RBMS1: variants seen among roughly 807,000 people sequenced by gnomAD.
RBMS1 encodes RNA-binding motif, single-stranded-interacting protein 1.
Under a neutral mutation model 62.3 loss-of-function variants are expected in RBMS1, and 17 were observed. The ratio of observed to expected loss-of-function variants is 0.27; its 90% CI spans 0.19 to 0.41. The LOEUF is 0.41. RBMS1 is among the 10% of genes least tolerant of loss of function. RBMS1 has a pLI of 1.00. For synonymous variants in RBMS1, 172 were observed against 170.0 expected (o/e 1.01, Z -0.09); for missense variants, 334 against 504.5 (o/e 0.66, Z 3.24).
chr2:160,386,519 A>G (rs1232249747), intron 1 of RBMS1, among the ~76,000 whole-genome samples: 1 of 146,396 alleles, frequency 6.8e-6, no homozygotes, highest in Non-Finnish European at 1.5e-5. Context: ...CCAGCCTGGG[A>G]GACAGAGTGA....
intron 2 of RBMS1, among the ~76,000 whole-genome samples, chr2:160,332,512 A>G (rs1407685644): frequency 6.6e-6 from 1 of 152,170 alleles, no homozygotes; most frequent in Non-Finnish European, 1.5e-5. Flanking sequence ...TGAAGTGAGC[A>G]TGTTATCAGC....
chr2:160,311,054 T>C (rs1305518003), intron 4 of RBMS1, among the ~76,000 whole-genome samples: 2 of 150,852 alleles, frequency 1.3e-5, no homozygotes, highest in African/African-American at 4.9e-5. Context: ...ATTATCCGGG[T>C]GTGGTGGCAT....
intron 1 of RBMS1, among the ~76,000 whole-genome samples, chr2:160,473,460 A>G (rs1187110600): frequency 6.6e-6 from 1 of 152,176 alleles, no homozygotes; most frequent in Non-Finnish European, 1.5e-5. Context: ...TCATGTTTTT[A>G]TATACTCTTG....
At chr2:160,295,178 T>C (rs2105945061) in intron 6 of RBMS1, among the ~76,000 whole-genome samples, 1 of 152,328 alleles carries the variant, frequency 6.6e-6, no homozygotes, top group Non-Finnish European at 1.5e-5. Flanking sequence ...CATTCATGCC[T>C]AAAGGCAATT....
At chr2:160,278,885 C>T (rs1290236916) in intron 10 of RBMS1, 5 of 452,276 alleles carry the variant, frequency 1.1e-5, no homozygotes, top group Non-Finnish European at 2.0e-5. Context: ...TTGGCATTCA[C>T]TTCACAACAA....
chr2:160,469,718 G>A (rs1047189460), intron 1 of RBMS1, among the ~76,000 whole-genome samples: 17 of 152,274 alleles, frequency 1.1e-4, no homozygotes, highest in Admixed American at 9.2e-4. Context: ...ATGATTCTGG[G>A]GAAGTACCCA....
intron 12 of RBMS1, among the ~76,000 whole-genome samples, chr2:160,276,105 C>G (rs1056695480): frequency 3.3e-5 from 5 of 152,108 alleles, no homozygotes; most frequent in Non-Finnish European, 7.4e-5. Flanking sequence ...CATAAGCAAA[C>G]ATATTAATAG....
chr2:160,279,926 C>A (rs1253865696), intron 10 of RBMS1, among the ~76,000 whole-genome samples: 1 of 152,002 alleles, frequency 6.6e-6, no homozygotes, highest in East Asian at 1.9e-4. Flanking sequence ...GTCTTTTTCT[C>A]AAATGTTGCC....
At chr2:160,373,444 TA>T (rs1393249418) in intron 1 of RBMS1, among the ~76,000 whole-genome samples, 1 of 152,242 alleles carries the variant, frequency 6.6e-6, no homozygotes, top group African/African-American at 2.4e-5. Context: ...ATCATTCAAG[TA>T]TCTTTTAAGG....
intron 1 of RBMS1, among the ~76,000 whole-genome samples, chr2:160,384,595 C>CTAACTAGATG (rs1283317806): frequency 3.3e-5 from 5 of 152,204 alleles, no homozygotes; most frequent in African/African-American, 1.2e-4. Context: ...ACCATGGTCA[C>CTAACTAGATG]TCACTAACTA....
intron 12 of RBMS1, among the ~76,000 whole-genome samples, chr2:160,276,868 C>G (rs1238667406): frequency 6.6e-6 from 1 of 152,168 alleles, no homozygotes; most frequent in Non-Finnish European, 1.5e-5. Flanking sequence ...GTATGAAAGG[C>G]ACTATAGGCT....
intron 2 of RBMS1, among the ~76,000 whole-genome samples, chr2:160,357,999 T>C (rs1354091583): frequency 1.3e-5 from 2 of 152,108 alleles, no homozygotes; most frequent in Non-Finnish European, 2.9e-5. Flanking sequence ...GTACTGTACA[T>C]AAAGTATTAC....
At chr2:160,438,752 C>G (rs1402581186) in intron 1 of RBMS1, among the ~76,000 whole-genome samples, 1 of 152,266 alleles carries the variant, frequency 6.6e-6, no homozygotes, top group Non-Finnish European at 1.5e-5. Flanking sequence ...GTCATCATGG[C>G]CCGTTCTCAA....
chr2:160,399,752 T>G (rs1695340783), intron 1 of RBMS1, among the ~76,000 whole-genome samples: 1 of 152,062 alleles, frequency 6.6e-6, no homozygotes, highest in Admixed American at 6.5e-5. Flanking sequence ...CCAAAAAGGA[T>G]TTATAGGCAG....
At chr2:160,316,658 T>C (rs917536737) in intron 3 of RBMS1, among the ~76,000 whole-genome samples, 2 of 152,218 alleles carry the variant, frequency 1.3e-5, no homozygotes, top group Admixed American at 6.5e-5. Context: ...TGGTTTTCAG[T>C]TCAGGGATGT....
intron 1 of RBMS1, among the ~76,000 whole-genome samples, chr2:160,368,339 G>C (rs1224176448): frequency 6.6e-6 from 1 of 152,104 alleles, no homozygotes; most frequent in Non-Finnish European, 1.5e-5. Context: ...CTAACTCAAG[G>C]ACATCACTCA....
intron 2 of RBMS1, among the ~76,000 whole-genome samples, chr2:160,349,900 G>A (rs936933583): frequency 6.6e-6 from 1 of 151,884 alleles, no homozygotes; most frequent in Non-Finnish European, 1.5e-5. Flanking sequence ...TTTTTAAAGG[G>A]TGGCTGAAGT....
chr2:160,364,261 T>C (rs1693282003), intron 2 of RBMS1, among the ~76,000 whole-genome samples: 1 of 152,358 alleles, frequency 6.6e-6, no homozygotes, highest in Middle Eastern at 3.4e-3. Flanking sequence ...ATCTTCTTTG[T>C]GAATAGATAA....
intron 1 of RBMS1, among the ~76,000 whole-genome samples, chr2:160,397,686 G>A (rs548474033): frequency 1.3e-4 from 19 of 151,776 alleles, no homozygotes; most frequent in African/African-American, 4.6e-4. Context: ...CTCCTTTCCC[G>A]CCCCACTACA....
Sources: gnomAD v4.1 joint callset for allele counts (sites outside exome capture counted in the v4.1 genomes callset) on GRCh38, gnomAD v4.1.1 for gene constraint, MANE v1.5 for transcripts, NCBI Gene and HGNC (gene_info 2026-07-23, HGNC 2026-07-21) for gene names.